The following RIN2 variants were observed in gnomAD, a reference collection of about 807,000 sequenced individuals.
RIN2 encodes the protein Ras and Rab interactor 2, also known as RAB5 interacting protein 2.
RIN2 carries 36 observed loss-of-function variants against 78.0 expected under a neutral mutation model. The ratio of observed to expected loss-of-function variants is 0.46; its 90% CI spans 0.35 to 0.61. RIN2 has a LOEUF of 0.61. RIN2 is among the 20% of genes least tolerant of loss of function. The probability of loss-of-function intolerance (pLI) is 0.00; values close to 1 mark genes in which losing one functional copy is unlikely to be tolerated. For synonymous variants in RIN2, 466 were observed against 466.8 expected, an observed-to-expected ratio of 1.00 and a Z score of 0.02; for missense variants, 1,087 against 1,159.7, an observed-to-expected ratio of 0.94 and a Z score of 0.91.
intron 8 of RIN2, among the ~76,000 whole-genome samples, chr20:19,972,882 A>C (rs1188412352): frequency 1.3e-5 from 2 of 152,250 alleles, no homozygotes; most frequent in East Asian, 3.8e-4. Flanking sequence ...TAGTAGCCAC[A>C]CAGGTTAAAT....
chr20:19,779,242 ATAGCAAATGC>A (rs2034414353), intron 1 of RIN2, among the ~76,000 whole-genome samples: 1 of 152,168 alleles, frequency 6.6e-6, no homozygotes. Context: ...CCAGTTTTAT[ATAGCAAATGC>A]TGTGTCCTGT....
At chr20:19,867,810 T>C (rs987726771) in intron 2 of RIN2, among the ~76,000 whole-genome samples, 1 of 152,216 alleles carries the variant, frequency 6.6e-6, no homozygotes. Flanking sequence ...TTGTGGTTTG[T>C]CTAAAACTGA....
At chr20:19,850,040 T>C (rs2036911633) in intron 2 of RIN2, among the ~76,000 whole-genome samples, 1 of 152,204 alleles carries the variant, frequency 6.6e-6, no homozygotes, top group Non-Finnish European at 1.5e-5. Context: ...CTCAAAGTGC[T>C]CTGAAAATGT....
At chr20:19,997,173 T>C (rs1234114677) in intron 12 of RIN2, among the ~76,000 whole-genome samples, 3 of 152,186 alleles carry the variant, frequency 2.0e-5, no homozygotes, top group Non-Finnish European at 4.4e-5. Flanking sequence ...ACAGCCGCTG[T>C]GTTACGCGAT....
chr20:19,894,379 T>A (rs191592795), intron 3 of RIN2, among the ~76,000 whole-genome samples: 2 of 151,958 alleles, frequency 1.3e-5, no homozygotes, highest in Admixed American at 6.5e-5. Flanking sequence ...TGCTGGCAAA[T>A]CCTCCTCTTT....
At chr20:19,852,948 T>C (rs903758711) in intron 2 of RIN2, among the ~76,000 whole-genome samples, 1 of 151,970 alleles carries the variant, frequency 6.6e-6, no homozygotes, top group African/African-American at 2.4e-5. Context: ...GTTTGTTACA[T>C]ATGTATACAT....
intron 1 of RIN2, among the ~76,000 whole-genome samples, chr20:19,777,792 A>G (rs2034363492): frequency 6.6e-6 from 1 of 152,252 alleles, no homozygotes; most frequent in African/African-American, 2.4e-5. Flanking sequence ...ACTGGCGTGG[A>G]GCAAAGGCTT....
Position 19,975,556 on chromosome 20 carries a change from G to C in RIN2, c.1531G>C (p.Glu511Gln). The C allele has an allele frequency of 6.2e-7, 1 of 1,614,038 alleles. No individual in the cohort carries two copies. The highest frequency in any genetic ancestry group is 8.5e-7 in the Non-Finnish European group (1 of 1,179,886). ...GGTGTTCAGCTCCTTCATGACCCCG[G>C]AGAAGCGGATGGTCCGCAGGATCGC... ...SGVFSSFMTP[E>Q]KRMVRRIAEL... The change falls in exon 9 of 13, where the codon GAG (glutamate) becomes CAG (glutamine). Residue 511 changes from glutamate to glutamine, a missense_variant. Around this residue, in one of 8 missense-constraint regions of RIN2, gnomAD observed 706 missense variants for 667.5 expected, o/e 1.06. Transcript: ENST00000255006. The surrounding 1 kb of genome is among the most constrained non-coding windows in gnomAD (Gnocchi z 4.9).
intron 6 of RIN2, among the ~76,000 whole-genome samples, chr20:19,963,859 T>C (rs1401630876): frequency 1.1e-5 from 1 of 88,154 alleles, no homozygotes; most frequent in Non-Finnish European, 2.2e-5. Flanking sequence ...ATGTGTCTTT[T>C]TTTTTTTTTT....
Position 20,000,692 on chromosome 20 carries a change from C to T in RIN2, c.2444C>T (p.Thr815Ile), listed in dbSNP as rs1268393920. 1 of 1,613,918 alleles carries T rather than the reference C, an allele frequency of 6.2e-7. No homozygotes were observed. Among genetic ancestry groups the T allele is most frequent in the South Asian group, 1.1e-5 (1 of 91,088 alleles). The change falls in exon 13 of 13, where the codon ACT becomes ATT. Residue 815 changes from threonine (T) to isoleucine (I), a missense_variant. Thr to Ile is a moderately conservative substitution (Grantham distance 89). This residue lies in a region of RIN2 where 160 missense variants were observed against 179.4 expected (regional missense o/e 0.89). Coordinates refer to ENST00000255006, the MANE Select transcript of RIN2 (RefSeq NM_018993.4). The stretch of plus-strand genomic sequence containing the variant: ...CTCCTTGTGAGACCTTACATCACCA[C>T]TGAGGATGTGTGTCAGATCTGCGCT... ...KTLLVRPYIT[T>I]EDVCQICAEK...
rs139189914 is a variant in RIN2 at position 19,985,119 on chromosome 20, G to A, written c.1763-4887G>A. Among the ~76,000 whole-genome samples the A allele has an allele frequency of 1.3e-3, 205 of 152,286 alleles. 2 individuals carry two copies. The highest frequency in any genetic ancestry group is 4.7e-3 in the African/African-American group (196 of 41,548). Reference sequence around the variant, plus strand: ...CCTCTCAAAGTCTCACTGCCTTCTGGCCAGCAGTGGAAATGCAGAAAGTGT... The same window carrying A: ...CCTCTCAAAGTCTCACTGCCTTCTGACCAGCAGTGGAAATGCAGAAAGTGT... On this transcript the variant is annotated intron_variant, in intron 9 of 12. Coordinates refer to ENST00000255006, the MANE Select transcript of RIN2 (RefSeq NM_018993.4).
Position 19,889,556 on chromosome 20 carries a change from C to G in RIN2, c.-36-10C>G. 2 of 1,547,422 alleles carry G rather than the reference C, an allele frequency of 1.3e-6. No homozygotes were observed. The highest frequency in any genetic ancestry group is 1.4e-5 in the African/African-American group (1 of 73,068). On this transcript the variant is annotated splice_polypyrimidine_tract_variant and intron_variant, in intron 2 of 12. Transcript: ENST00000255006. The stretch of plus-strand genomic sequence containing the variant: ...GCTGGACTAACCATTAAAAATGTCT[C>G]TACCTTCAGGAGTCCCCGGCGTGCA...
intron 3 of RIN2, among the ~76,000 whole-genome samples, chr20:19,901,665 T>C (rs1194016329): frequency 6.6e-6 from 1 of 152,220 alleles, no homozygotes; most frequent in Admixed American, 6.5e-5. Context: ...TTGGTGCCAC[T>C]CCCTAGGCAC....
At chr20:19,838,505 T>C (rs1251127530) in intron 2 of RIN2, among the ~76,000 whole-genome samples, 1 of 152,220 alleles carries the variant, frequency 6.6e-6, no homozygotes, top group Non-Finnish European at 1.5e-5. Flanking sequence ...TGTCCATTCA[T>C]TAATTTATAG....
intron 9 of RIN2, among the ~76,000 whole-genome samples, chr20:19,982,704 C>T (rs539585937): frequency 2.5e-4 from 38 of 152,316 alleles, no homozygotes; most frequent in Non-Finnish European, 5.0e-4. Context: ...ACCAGTCTGA[C>T]GTCCAGCTTC....
intron 4 of RIN2, among the ~76,000 whole-genome samples, chr20:19,941,252 G>A (rs2040858908): frequency 6.6e-6 from 1 of 152,138 alleles, no homozygotes; most frequent in African/African-American, 2.4e-5. Context: ...ATAACCACAG[G>A]AAACCCAGAA....
intron 3 of RIN2, among the ~76,000 whole-genome samples, chr20:19,912,847 A>T (rs942487650): frequency 2.0e-5 from 3 of 152,130 alleles, no homozygotes; most frequent in African/African-American, 7.2e-5. Flanking sequence ...TGAATGTTTG[A>T]TGTCACTAGG....
At chr20:19,844,878 T>A (rs1329700866) in intron 2 of RIN2, among the ~76,000 whole-genome samples, 2 of 152,018 alleles carry the variant, frequency 1.3e-5, no homozygotes, top group East Asian at 3.9e-4. Flanking sequence ...ATGCTATTCC[T>A]CCACAGTCCC....
At chr20:19,994,940 G>A (rs1601084929) in intron 11 of RIN2, among the ~76,000 whole-genome samples, 1 of 152,306 alleles carries the variant, frequency 6.6e-6, no homozygotes, top group East Asian at 1.9e-4. Context: ...GAAAGTGCAT[G>A]GCTCAGGGTG....
Sources: gnomAD v4.1 joint callset for allele counts (sites outside exome capture counted in the v4.1 genomes callset) on GRCh38, gnomAD v4.1.1 for gene constraint, gnomAD v4.1.1 regional missense constraint, Gnocchi (gnomAD v3.1) non-coding constraint, MANE v1.5 for transcripts, NCBI Gene and HGNC (gene_info 2026-07-23, HGNC 2026-07-21) for gene names.